The following HHIP variants were observed in gnomAD, a reference collection of about 807,000 sequenced individuals.
HHIP encodes hedgehog interacting protein.
HHIP carries 12 observed loss-of-function variants against 74.0 expected under a neutral mutation model. The ratio of observed to expected loss-of-function variants is 0.16; its 90% confidence interval spans 0.10 to 0.26. HHIP has a LOEUF of 0.26. Among genes scored for constraint, HHIP ranks in the 10% least tolerant of loss-of-function variants. HHIP has a pLI of 1.00. For synonymous variants in HHIP, 309 were observed against 311.6 expected (o/e 0.99, Z 0.09); for missense variants, 788 against 845.0 (o/e 0.93, Z 0.84).
At chr4:144,717,353 CT>C (rs1730482882) in intron 10 of HHIP, among the ~76,000 whole-genome samples, 1 of 152,030 alleles carries the variant, frequency 6.6e-6, no homozygotes, top group Non-Finnish European at 1.5e-5. Context: ...AATATTAATT[CT>C]TTTGCTTACA....
rs1731189687 is a variant in HHIP, at chr4:144,738,672, G to C, written c.*715G>C. The C allele has an allele frequency of 1.4e-6, 1 of 698,948 alleles. No individual in the cohort carries two copies. The highest frequency in any genetic ancestry group is 1.3e-4 in the East Asian group (1 of 7,492). 43.3% of individuals were successfully genotyped at this position (698,948 alleles called of 1,614,324 possible). On this transcript the variant is annotated 3_prime_UTR_variant, in exon 13 of 13. Transcript: ENST00000296575. ...ATATTTTATTTAACAATAGGCACTG[G>C]GTTTGTGTTACATATTTATATATTT...
chr4:144,671,559 T>C (rs1020324063), intron 4 of HHIP, among the ~76,000 whole-genome samples: 1 of 152,186 alleles, frequency 6.6e-6, no homozygotes, highest in Non-Finnish European at 1.5e-5. Flanking sequence ...CCCACCTCAG[T>C]TGGATGTGTG....
chr4:144,692,521 C>T (rs1041088147), intron 4 of HHIP, among the ~76,000 whole-genome samples: 2 of 152,168 alleles, frequency 1.3e-5, no homozygotes, highest in Non-Finnish European at 2.9e-5. Flanking sequence ...GAAGTCTCAA[C>T]CTGAATTTTT....
At position 144,707,114 on chromosome 4, in the gene HHIP, A is replaced by G; in HGVS notation, c.1011A>G (p.Arg337=). 6.2e-7 allele frequency: 1 copy of G among 1,614,180 alleles called. No individual in the cohort carries two copies. The highest frequency in any genetic ancestry group is 8.5e-7 in the Non-Finnish European group (1 of 1,180,010). ...AAAATCCACACCAAGTTGATTTGAGAACAGCCAGAGTCTTTCTTGAAGTTG... is the reference window on the plus strand; with the variant it reads ...AAAATCCACACCAAGTTGATTTGAGGACAGCCAGAGTCTTTCTTGAAGTTG... ...SRKNPHQVDL[R]TARVFLEVAE... The change falls in exon 6 of 13, where the codon AGA becomes AGG. Residue 337 remains arginine (R), a synonymous_variant. Coordinates refer to ENST00000296575, the MANE Select transcript of HHIP (RefSeq NM_022475.3).
At chr4:144,697,178 CATT>C (rs1729844209) in intron 4 of HHIP, among the ~76,000 whole-genome samples, 1 of 151,848 alleles carries the variant, frequency 6.6e-6, no homozygotes. Flanking sequence ...GTTAAACCAT[CATT>C]AATTTATTTT....
intron 2 of HHIP, 45 bp downstream of exon 2, chr4:144,652,842 T>A: frequency 2.4e-6 from 3 of 1,261,308 alleles, no homozygotes; most frequent in Non-Finnish European, 3.3e-6. Context: ...CTGCACAATA[T>A]CCTTGTAAGA....
chr4:144,716,854 GAAAAAAAAAAAAAAAAAAA>G (rs869028218), intron 10 of HHIP, among the ~76,000 whole-genome samples: 59 of 54,662 alleles, frequency 1.1e-3, no homozygotes, highest in African/African-American at 2.6e-3. Context: ...CGTCTCAAAA[GAAAAAAAAAAAAAAAAAAA>G]AAAAAAAAAA....
chr4:144,742,641 T>G lies in HHIP; in HGVS notation c.*4684T>G, dbSNP rs970989651. On this transcript the variant is annotated 3_prime_UTR_variant, in exon 13 of 13. Coordinates refer to ENST00000296575, the MANE Select transcript of HHIP (RefSeq NM_022475.3). ...GCAGAGGACTCAGACCAAAGTCCCA[T>G]GGCAGAAAATGTACATATTTTTAAA... 2 of 151,612 alleles carry G rather than the reference T, an allele frequency of 1.3e-5. No individual in the cohort carries two copies. The highest frequency in any genetic ancestry group is 2.4e-5 in the African/African-American group (1 of 41,332). 9.4% of individuals were successfully genotyped at this position (151,612 alleles called of 1,614,324 possible). A position where few individuals can be genotyped will look rare whatever the true frequency, so the allele number is the denominator to read the frequency against.
At chr4:144,705,783 A>G (rs1249611831) in intron 4 of HHIP, among the ~76,000 whole-genome samples, 1 of 152,188 alleles carries the variant, frequency 6.6e-6, no homozygotes, top group African/African-American at 2.4e-5. Flanking sequence ...ATAACACAAG[A>G]AAGTTGTTTG....
intron 11 of HHIP, among the ~76,000 whole-genome samples, chr4:144,719,939 T>A (rs1040221560): frequency 1.3e-5 from 2 of 152,242 alleles, no homozygotes; most frequent in African/African-American, 4.8e-5. Context: ...AAATTGTATA[T>A]GTTTTTCTGA....
At chr4:144,652,899 G>T in intron 2 of HHIP, 102 bp downstream of exon 2, 1 of 781,888 alleles carries the variant, frequency 1.3e-6, no homozygotes, top group Non-Finnish European at 1.9e-6. Flanking sequence ...AATTTATCTT[G>T]CCTTTAAAAA....
chr4:144,742,222 T>G lies in HHIP; in HGVS notation c.*4265T>G, dbSNP rs1731277634. ...AGATTGCTGTTGATTTTGCTGGTTA[T>G]GATCTTTTCTTTGTTTTTCTGAAAA... On this transcript the variant is annotated 3_prime_UTR_variant, in exon 13 of 13. Transcript: ENST00000296575. 6.6e-6 allele frequency: 1 copy of G among 152,218 alleles called. No individual in the cohort carries two copies. Among genetic ancestry groups the G allele is most frequent in the Non-Finnish European group, 1.5e-5 (1 of 68,036 alleles). The allele number at this position is 152,218 out of a possible 1,614,324, so 9.4% of individuals were successfully genotyped here. A position where few individuals can be genotyped will look rare whatever the true frequency, so the allele number is the denominator to read the frequency against.
chr4:144,713,763 T>A (rs914736855), intron 8 of HHIP, among the ~76,000 whole-genome samples: 1 of 152,224 alleles, frequency 6.6e-6, no homozygotes. Flanking sequence ...TTTTATGTAC[T>A]ATGTTTTTAT....
rs546611720 is a variant in HHIP, at chr4:144,646,463, G to T, written c.-213G>T. On this transcript the variant is annotated 5_prime_UTR_variant, in exon 1 of 13. Transcript: ENST00000296575. ...TCCGCACAACTTTATCTCGCTCCTC[G>T]GGCTCCCCTAAGGCATTGGACCCAT... 7 of 498,128 alleles carry T rather than the reference G, an allele frequency of 1.4e-5. No homozygotes were observed. In the East Asian group the frequency reaches 2.2e-4, roughly 16 times the overall value. The allele number at this position is 498,128 out of a possible 1,614,324, so 30.9% of individuals were successfully genotyped here. A position where few individuals can be genotyped will look rare whatever the true frequency, so the allele number is the denominator to read the frequency against.
intron 4 of HHIP, among the ~76,000 whole-genome samples, chr4:144,694,514 G>A (rs570026311): frequency 2.0e-5 from 3 of 151,840 alleles, no homozygotes; most frequent in East Asian, 3.9e-4. Context: ...ATATAATGAC[G>A]TGAAGATAAT....
rs1731337076 is a variant in HHIP, at chr4:144,744,712, C to G, written c.*6755C>G. The G allele has an allele frequency of 6.6e-6, 1 of 152,030 alleles. No homozygotes were observed. Among genetic ancestry groups the G allele is most frequent in the African/African-American group, 2.4e-5 (1 of 41,396 alleles). The allele number at this position is 152,030 out of a possible 1,614,324, so 9.4% of individuals were successfully genotyped here. A position where few individuals can be genotyped will look rare whatever the true frequency, so the allele number is the denominator to read the frequency against. On this transcript the variant is annotated 3_prime_UTR_variant, in exon 13 of 13. Transcript: ENST00000296575. ...TCAATCATCTATCCATTTATTAATTCAACAAATATTTATTAAAGTGCCTAC... is the reference window on the plus strand; with the variant it reads ...TCAATCATCTATCCATTTATTAATTGAACAAATATTTATTAAAGTGCCTAC...
chr4:144,691,096 G>T lies in HHIP; in HGVS notation c.832-15435G>T, dbSNP rs573982599. 5.4e-4 allele frequency among the ~76,000 whole-genome samples: 82 copies of T among 152,106 alleles called. 3 individuals carry two copies. In the South Asian group the frequency reaches 0.016, roughly 30 times the overall value. ...ATAATATTTCATGGTATATTGAGGG[G>T]CTCCCAGACAATCTTACATGCATCT... On this transcript the variant is annotated intron_variant, in intron 4 of 12. Coordinates refer to ENST00000296575, the MANE Select transcript of HHIP (RefSeq NM_022475.3).
At chr4:144,713,387 T>C (rs968221649) in intron 8 of HHIP, among the ~76,000 whole-genome samples, 1 of 152,124 alleles carries the variant, frequency 6.6e-6, no homozygotes, top group South Asian at 2.1e-4. Flanking sequence ...TGTAGTCTCA[T>C]ATACACCATA....
intron 4 of HHIP, among the ~76,000 whole-genome samples, chr4:144,664,268 T>C (rs1728795617): frequency 6.6e-6 from 1 of 152,136 alleles, no homozygotes. Context: ...CCAATTGAGG[T>C]GGAGCTCTTG....
Sources: allele counts gnomAD v4.1 joint callset (sites outside exome capture counted in the v4.1 genomes callset), GRCh38; gene constraint gnomAD v4.1.1; transcripts MANE v1.5; gene names NCBI Gene and HGNC (gene_info 2026-07-23, HGNC 2026-07-21).